Variants in SKAP1 observed in about 807,000 individuals in gnomAD.
SKAP1 encodes src kinase associated phosphoprotein 1.
Under a neutral mutation model 58.5 loss-of-function variants are expected in SKAP1, and 44 were observed. The observed-to-expected ratio is 0.75, with a 90% CI of 0.59 to 0.97. The LOEUF (loss-of-function observed/expected upper bound fraction) is 0.97. Ranked by LOEUF, SKAP1 falls within the 50% of genes least tolerant of loss-of-function variation. The probability of loss-of-function intolerance (pLI) is 0.00; values close to 1 mark genes in which losing one functional copy is unlikely to be tolerated. For synonymous variants in SKAP1, 127 were observed against 149.7 expected (o/e 0.85, Z 1.11); for missense variants, 390 against 435.2 (o/e 0.90, Z 0.92).
chr17:48,170,715 T>C lies in SKAP1; in HGVS notation c.827-56A>G. 2 of 1,402,952 alleles carry C rather than the reference T, an allele frequency of 1.4e-6. 1 individual carries two copies. Among genetic ancestry groups the C allele is most frequent in the South Asian group, 2.5e-5 (2 of 79,378 alleles). 86.9% of individuals were successfully genotyped at this position (1,402,952 alleles called of 1,614,324 possible). On this transcript the variant is annotated intron_variant, in intron 9 of 12. Coordinates refer to ENST00000336915, the MANE Select transcript of SKAP1 (RefSeq NM_003726.4). ...TAGTGGTTCACAGTCTCATGTTCTTTTTTTTTTTTTTCGAGATAGAGTCTT... is the reference window on the plus strand; with the variant it reads ...TAGTGGTTCACAGTCTCATGTTCTTCTTTTTTTTTTTCGAGATAGAGTCTT...
chr17:48,263,976 T>C (rs1024055484), intron 4 of SKAP1, among the ~76,000 whole-genome samples: 3 of 151,550 alleles, frequency 2.0e-5, no homozygotes, highest in African/African-American at 7.3e-5. Context: ...GCAGAGAAAC[T>C]TCTAAACCAG....
At chr17:48,326,453 T>C (rs2066437826) in intron 4 of SKAP1, among the ~76,000 whole-genome samples, 1 of 152,216 alleles carries the variant, frequency 6.6e-6, no homozygotes, top group South Asian at 2.1e-4. Flanking sequence ...GCTTCAGAAT[T>C]GATTGGAAAT....
rs1237868333 is a variant in SKAP1 at position 48,411,397 on chromosome 17, TCAAA to T, written c.47-14616_47-14613del. Among the ~76,000 whole-genome samples, 3 of 126,108 alleles carry T rather than the reference TCAAA, an allele frequency of 2.4e-5. No individual in the cohort carries two copies. In the Admixed American group the frequency reaches 2.4e-4, roughly 10 times the overall value. 82.7% of individuals were successfully genotyped at this position (126,108 alleles called of 152,430 possible). On this transcript the variant is annotated intron_variant, in intron 1 of 12. Transcript: ENST00000336915. ...CTGGGTGGTAGAGCCAGATTCCATC[TCAAA>T]TAAATAAATAAATAAATAAATAAAT... is the stretch of plus-strand genomic sequence containing the variant.
chr17:48,422,175 C>T (rs2067802659), intron 1 of SKAP1, among the ~76,000 whole-genome samples: 1 of 152,244 alleles, frequency 6.6e-6, no homozygotes, highest in South Asian at 2.1e-4. Flanking sequence ...TGCACCACTG[C>T]ACTCCAGCCT....
At chr17:48,158,970 A>G (rs1361819529) in intron 11 of SKAP1, among the ~76,000 whole-genome samples, 5 of 151,734 alleles carry the variant, frequency 3.3e-5, no homozygotes, top group Admixed American at 2.6e-4. Context: ...AAAAAGAAAA[A>G]AAAAAAAAAA....
intron 4 of SKAP1, among the ~76,000 whole-genome samples, chr17:48,195,490 A>C (rs970112009): frequency 2.6e-5 from 4 of 152,212 alleles, no homozygotes; most frequent in African/African-American, 4.8e-5. Flanking sequence ...GAAAGGTGAA[A>C]AATTCTAAAA....
chr17:48,338,052 C>CCT (rs1426692362), intron 4 of SKAP1, among the ~76,000 whole-genome samples: 2 of 150,968 alleles, frequency 1.3e-5, no homozygotes, highest in African/African-American at 4.9e-5. Context: ...TTCCTTCCTT[C>CCT]TTCACTTAGT....
chr17:48,164,427 A>C (rs3805364), intron 10 of SKAP1, among the ~76,000 whole-genome samples: 5,344 of 152,276 alleles, frequency 0.035, 105 homozygotes, highest in East Asian at 0.054. Context: ...GTCACTTTGG[A>C]GTACGGTTCC....
At chr17:48,165,897 T>A (rs931794504) in intron 10 of SKAP1, among the ~76,000 whole-genome samples, 3 of 152,086 alleles carry the variant, frequency 2.0e-5, no homozygotes, top group Non-Finnish European at 4.4e-5. Flanking sequence ...CATCTAATTA[T>A]TTTTTTTCCA....
intron 1 of SKAP1, among the ~76,000 whole-genome samples, chr17:48,399,762 C>CA (rs71141990): frequency 0.48 from 63,934 of 133,948 alleles, 14,607 homozygotes; most frequent in Admixed American, 0.55. Flanking sequence ...ACTCTTGTCT[C>CA]AAAAAAAAAA....
chr17:48,373,899 T>C (rs1598626775), intron 2 of SKAP1, among the ~76,000 whole-genome samples: 1 of 152,188 alleles, frequency 6.6e-6, no homozygotes, highest in African/African-American at 2.4e-5. Context: ...TTTTTGCAAC[T>C]GAAGTATTAA....
intron 4 of SKAP1, chr17:48,249,150 C>G (rs1435510677): frequency 6.6e-6 from 1 of 152,102 alleles, no homozygotes; most frequent in Non-Finnish European, 1.5e-5. Flanking sequence ...ATTCAGGTGG[C>G]CTCCAAAGCA....
At chr17:48,146,782 C>G (rs149271427) in intron 11 of SKAP1, among the ~76,000 whole-genome samples, 1 of 152,090 alleles carries the variant, frequency 6.6e-6, no homozygotes, top group African/African-American at 2.4e-5. Flanking sequence ...GCACCCGCCA[C>G]CACGCCCAGC....
intron 4 of SKAP1, among the ~76,000 whole-genome samples, chr17:48,318,305 A>AT (rs1567865865): frequency 1.3e-5 from 2 of 152,216 alleles, no homozygotes; most frequent in Non-Finnish European, 1.5e-5. Context: ...CAAGAACATC[A>AT]TTTCTTTTTG....
intron 4 of SKAP1, among the ~76,000 whole-genome samples, chr17:48,299,374 T>C (rs1007519983): frequency 6.6e-6 from 1 of 152,240 alleles, no homozygotes; most frequent in African/African-American, 2.4e-5. Flanking sequence ...ACATTTATCT[T>C]GGATCTATCT....
chr17:48,216,539 TG>T (rs1265318693), intron 4 of SKAP1, among the ~76,000 whole-genome samples: 1 of 151,964 alleles, frequency 6.6e-6, no homozygotes, highest in Non-Finnish European at 1.5e-5. Flanking sequence ...TTGCTCAGGC[TG>T]GAGTACAGTG....
chr17:48,160,845 T>C (rs1299268403), intron 11 of SKAP1, among the ~76,000 whole-genome samples: 2 of 152,216 alleles, frequency 1.3e-5, no homozygotes, highest in East Asian at 1.9e-4. Flanking sequence ...AGTGTGGTAA[T>C]GTACACAAAT....
At chr17:48,249,614 C>T (rs1394939758) in intron 4 of SKAP1, among the ~76,000 whole-genome samples, 1 of 151,924 alleles carries the variant, frequency 6.6e-6, no homozygotes, top group Non-Finnish European at 1.5e-5. Context: ...GTCGAGGCTG[C>T]TGTGAACCAT....
At chr17:48,297,663 G>A (rs934827336) in intron 4 of SKAP1, among the ~76,000 whole-genome samples, 11 of 152,174 alleles carry the variant, frequency 7.2e-5, no homozygotes, top group Non-Finnish European at 1.5e-4. Context: ...GCTGCCATGA[G>A]AAACTAAAGT....
Sources: gnomAD v4.1 joint callset for allele counts (sites outside exome capture counted in the v4.1 genomes callset) on GRCh38, gnomAD v4.1.1 for gene constraint, MANE v1.5 for transcripts, NCBI Gene and HGNC (gene_info 2026-07-23, HGNC 2026-07-21) for gene names.